ZDHHC11B: variants seen among roughly 807,000 people sequenced by gnomAD.
ZDHHC11B encodes probable palmitoyltransferase ZDHHC11B.
A neutral mutation model predicts 42.3 loss-of-function variants in ZDHHC11B; 17 were observed. The observed-to-expected ratio is 0.40, with a 90% confidence interval of 0.27 to 0.60. The LOEUF (loss-of-function observed/expected upper bound fraction) is 0.60. ZDHHC11B is among the 20% of genes least tolerant of loss of function. ZDHHC11B has a pLI of 0.41. For missense variants in ZDHHC11B, 262 were observed against 463.2 expected (o/e 0.57, Z 3.99); for synonymous variants, 123 against 193.5 (o/e 0.64, Z 3.02).
At position 719,016 on chromosome 5, in the gene ZDHHC11B, AC is replaced by A. The variant is rs199872101; in HGVS notation, c.1059-2152del. Among the ~76,000 whole-genome samples, 576 of 151,802 alleles carry A rather than the reference AC, an allele frequency of 3.8e-3. 16 individuals are homozygous for A. Among genetic ancestry groups the A allele is most frequent in the African/African-American group, 0.013 (551 of 41,204 alleles). On this transcript the variant is annotated intron_variant, in intron 12 of 13. Transcript: ENST00000508859. The stretch of plus-strand genomic sequence containing the variant: ...TGGAAGATTTAGAGAGACACACAGT[AC>A]CCCCTTGTTTGTAGCTAGATATTTG...
intron 1 of ZDHHC11B, among the ~76,000 whole-genome samples, chr5:771,756 G>A (rs1249421722): frequency 1.3e-5 from 2 of 150,850 alleles, no homozygotes; most frequent in South Asian, 4.2e-4. Context: ...GGGCGTGCGG[G>A]TCAGAGAGAA....
At chr5:767,155 C>T (rs1318045888) in intron 3 of ZDHHC11B, among the ~76,000 whole-genome samples, 1 of 151,982 alleles carries the variant, frequency 6.6e-6, no homozygotes, top group Non-Finnish European at 1.5e-5. Context: ...CTGACCCTGG[C>T]CAGAGCCGAG....
chr5:758,440 C>T lies in ZDHHC11B; in HGVS notation c.223-2296G>A, dbSNP rs140225941. ...ACAAAGAAGCCCGCTGCCAGGGAGA[C>T]GGTGCTGCTGCTGGGGGCCACCAGG... On this transcript the variant is annotated intron_variant, in intron 4 of 13. Coordinates refer to ENST00000508859, the MANE Select transcript of ZDHHC11B (RefSeq NM_001351303.2). 8.8e-3 allele frequency among the ~76,000 whole-genome samples: 1,342 copies of T among 151,698 alleles called. 42 individuals carry two copies. The highest frequency in any genetic ancestry group is 0.031 in the African/African-American group (1,270 of 41,162).
At position 719,237 on chromosome 5, in the gene ZDHHC11B, G is replaced by A. The variant is rs145066937; in HGVS notation, c.1059-2372C>T. The stretch of plus-strand genomic sequence containing the variant: ...TAGAGATACCACATTATGATACACA[G>A]AATATCCAGTTTTTAACAAAAAAAG... On this transcript the variant is annotated intron_variant, in intron 12 of 13. Coordinates refer to ENST00000508859, the MANE Select transcript of ZDHHC11B (RefSeq NM_001351303.2). Among the ~76,000 whole-genome samples the A allele has an allele frequency of 6.1e-4, 93 of 151,750 alleles. 3 individuals carry two copies. In the South Asian group the frequency reaches 8.3e-3, roughly 14 times the overall value.
intron 10 of ZDHHC11B, among the ~76,000 whole-genome samples, chr5:738,920 GATAA>G (rs1372493496): frequency 6.6e-6 from 1 of 150,982 alleles, no homozygotes; most frequent in African/African-American, 2.5e-5. Context: ...CAAGAACAAA[GATAA>G]ATAGATGCAA....
intron 4 of ZDHHC11B, among the ~76,000 whole-genome samples, chr5:765,649 C>T (rs1320873684): frequency 6.6e-6 from 1 of 151,880 alleles, no homozygotes; most frequent in Non-Finnish European, 1.5e-5. Context: ...TTGCTCTTTG[C>T]AATACATCTT....
Position 748,389 on chromosome 5 carries a change from G to C in ZDHHC11B, c.784+15C>G, listed in dbSNP as rs1239073957. ...CAGGCTTGGGGGGATCGGGGGCTTA[G>C]GGTGGGGGACATACTCAGGTAGATG... On this transcript the variant is annotated intron_variant, in intron 8 of 13. Transcript: ENST00000508859. 1 of 1,330,858 alleles carries C rather than the reference G, an allele frequency of 7.5e-7. No individual in the cohort carries two copies. Among genetic ancestry groups the C allele is most frequent in the Non-Finnish European group, 1.0e-6 (1 of 1,004,222 alleles). 82.4% of individuals were successfully genotyped at this position (1,330,858 alleles called of 1,614,324 possible).
In ZDHHC11B at chr5:759,989, G is replaced by A. The variant is rs1203121991; in HGVS notation, c.223-3845C>T. ...GGGATGCCGTCCTGAGCCCAGCGCCGGCCAGCGGGAGGGGCAGCATGGACA... is the reference window on the plus strand; with the variant it reads ...GGGATGCCGTCCTGAGCCCAGCGCCAGCCAGCGGGAGGGGCAGCATGGACA... On this transcript the variant is annotated intron_variant, in intron 4 of 13. Coordinates refer to ENST00000508859, the MANE Select transcript of ZDHHC11B (RefSeq NM_001351303.2). Among the ~76,000 whole-genome samples, 3 of 152,030 alleles carry A rather than the reference G, an allele frequency of 2.0e-5. 1 individual carries two copies. The highest frequency in any genetic ancestry group is 1.9e-4 in the East Asian group (1 of 5,184).
chr5:761,884 C>A (rs1487270655), intron 4 of ZDHHC11B, among the ~76,000 whole-genome samples: 1 of 151,792 alleles, frequency 6.6e-6, no homozygotes, highest in African/African-American at 2.4e-5. Flanking sequence ...TAGCCCCAGA[C>A]AGCCACTCAC....
intron 13 of ZDHHC11B, among the ~76,000 whole-genome samples, chr5:714,258 G>A (rs1173590691): frequency 5.1e-5 from 7 of 137,624 alleles, no homozygotes; most frequent in African/African-American, 2.1e-4. Context: ...CCATCGGTCT[G>A]TATTCCACGA....
At chr5:784,101 C>CGG (rs139881473) in intron 1 of ZDHHC11B, among the ~76,000 whole-genome samples, 2 of 151,338 alleles carry the variant, frequency 1.3e-5, no homozygotes, top group African/African-American at 4.9e-5. Flanking sequence ...GGAGGCTCTG[C>CGG]GGGGGGCGGT....
At chr5:757,545 C>G (rs72707091) in intron 4 of ZDHHC11B, among the ~76,000 whole-genome samples, 1 of 151,722 alleles carries the variant, frequency 6.6e-6, no homozygotes, top group Non-Finnish European at 1.5e-5. Context: ...TGCAGCAGCC[C>G]TTCCCTGATG....
At chr5:741,329 C>G (rs1193007780) in intron 10 of ZDHHC11B, among the ~76,000 whole-genome samples, 2 of 149,208 alleles carry the variant, frequency 1.3e-5, no homozygotes, top group South Asian at 2.3e-4. Context: ...ATAAGCGGGT[C>G]GTACTCTTGT....
At chr5:716,383 C>T (rs912019606) in intron 13 of ZDHHC11B, among the ~76,000 whole-genome samples, 6 of 151,794 alleles carry the variant, frequency 4.0e-5, no homozygotes, top group African/African-American at 9.7e-5. Flanking sequence ...TTCTATGGAT[C>T]GTCCTAAATG....
rs2277061 is a variant in ZDHHC11B, at chr5:732,483, G to A, written c.1023+1269C>T. 4.8e-4 allele frequency: 156 copies of A among 327,764 alleles called. No homozygotes were observed. The Middle Eastern group carries it at 0.018, about 38-fold the overall frequency. 20.3% of individuals were successfully genotyped at this position (327,764 alleles called of 1,614,324 possible). ...GGAACTTTGGTGGCTGAGTCTGGGC[G>A]GGGGTGGGCTGGGGGCTCGATTGGT... On this transcript the variant is annotated intron_variant, in intron 11 of 13. Transcript: ENST00000508859.
intron 1 of ZDHHC11B, among the ~76,000 whole-genome samples, chr5:769,773 A>G (rs1735832094): frequency 1.3e-5 from 2 of 152,064 alleles, no homozygotes; most frequent in South Asian, 4.2e-4. Context: ...TTCTTTTTCT[A>G]AGACTGCTTT....
chr5:776,545 A>G lies in ZDHHC11B; in HGVS notation c.-229-7615T>C, dbSNP rs181292681. ...CCACGCAGTGTGCTCCTGGCCTCAAACTGCCCACTGGGCATTCAGCCTGGA... is the reference window on the plus strand; with the variant it reads ...CCACGCAGTGTGCTCCTGGCCTCAAGCTGCCCACTGGGCATTCAGCCTGGA... On this transcript the variant is annotated intron_variant, in intron 1 of 13. Coordinates refer to ENST00000508859, the MANE Select transcript of ZDHHC11B (RefSeq NM_001351303.2). Among the ~76,000 whole-genome samples, 1,334 of 151,238 alleles carry G rather than the reference A, an allele frequency of 8.8e-3. 41 individuals are homozygous for G. Among genetic ancestry groups the G allele is most frequent in the African/African-American group, 0.03 (1,236 of 40,718 alleles).
At chr5:747,960 C>A in intron 8 of ZDHHC11B, 2 of 360,128 alleles carry the variant, frequency 5.6e-6, no homozygotes, top group Non-Finnish European at 4.9e-6. Flanking sequence ...CCAGCTCTCG[C>A]TTCAGTTGTT....
intron 1 of ZDHHC11B, among the ~76,000 whole-genome samples, chr5:784,353 G>A (rs1331771845): frequency 8.6e-5 from 13 of 151,992 alleles, no homozygotes; most frequent in African/African-American, 3.1e-4. Context: ...CCGTGGCCGC[G>A]AAGAAAGGCC....
Sources: allele counts gnomAD v4.1 joint callset (sites outside exome capture counted in the v4.1 genomes callset), GRCh38; gene constraint gnomAD v4.1.1; transcripts MANE v1.5; gene names NCBI Gene and HGNC (gene_info 2026-07-23, HGNC 2026-07-21).